NIM1K: variants seen among roughly 807,000 people sequenced by gnomAD.
The protein encoded by NIM1K is NIM1 serine/threonine protein kinase, also known as serine/threonine-protein kinase NIM1.
Under a neutral mutation model 37.1 loss-of-function variants are expected in NIM1K, and 35 were observed. The ratio of observed to expected loss-of-function variants is 0.94; its 90% CI spans 0.72 to 1.25. The LOEUF is 1.25. Ranked by LOEUF, NIM1K falls within the 50% of genes most tolerant of loss-of-function variation. The pLI is 0.00. For missense variants in NIM1K, 564 were observed against 548.0 expected, an observed-to-expected ratio of 1.03 and a Z score of -0.29; for synonymous variants, 234 against 206.6, an observed-to-expected ratio of 1.13 and a Z score of -1.14.
At chr5:43,230,201 A>G (rs1022693473) in intron 1 of NIM1K, among the ~76,000 whole-genome samples, 1 of 151,868 alleles carries the variant, frequency 6.6e-6, no homozygotes, top group South Asian at 2.1e-4. Context: ...CATAATATAC[A>G]AGGTAGCAAT....
rs370282181 is a variant in NIM1K at position 43,201,122 on chromosome 5, C to T, written c.-695+8711C>T. Among the ~76,000 whole-genome samples the T allele has an allele frequency of 7.6e-5, 10 of 132,054 alleles. No individual in the cohort carries two copies. In the East Asian group the frequency reaches 2.3e-3, roughly 30 times the overall value. The allele number at this position is 132,054 out of a possible 152,430, so 86.6% of individuals were successfully genotyped here. A position where few individuals can be genotyped will look rare whatever the true frequency, so the allele number is the denominator to read the frequency against. ...CCTGGGCAACAGAGCCAGACAACAT[C>T]TCAAAAAAAAAAAAAAAAAATTCAT... On this transcript the variant is annotated intron_variant, in intron 1 of 3. Coordinates refer to ENST00000326035, the MANE Select transcript of NIM1K (RefSeq NM_153361.4).
intron 2 of NIM1K, among the ~76,000 whole-genome samples, chr5:43,275,606 A>C (rs953788097): frequency 6.6e-6 from 1 of 152,178 alleles, no homozygotes; most frequent in Non-Finnish European, 1.5e-5. Context: ...CGTGTACATG[A>C]CATTACATGC....
intron 2 of NIM1K, among the ~76,000 whole-genome samples, chr5:43,267,874 G>T (rs1561093175): frequency 6.6e-6 from 1 of 152,088 alleles, no homozygotes; most frequent in Non-Finnish European, 1.5e-5. Flanking sequence ...CAATCTTATG[G>T]CCTATGTTGG....
In NIM1K at chr5:43,268,965, C is replaced by CT. The variant is rs200654982; in HGVS notation, c.293-8084dup. On this transcript the variant is annotated intron_variant, in intron 2 of 3. Coordinates refer to ENST00000326035, the MANE Select transcript of NIM1K (RefSeq NM_153361.4). ...TTATAATGACCTTCTTTGTCTTTTT[C>CT]TTTTTTTTAACTGTTGTTGCTTTAA... is the stretch of plus-strand genomic sequence containing the variant. Among the ~76,000 whole-genome samples the CT allele has an allele frequency of 5.9e-3, 892 of 151,380 alleles. 6 individuals are homozygous for CT. Among genetic ancestry groups the CT allele is most frequent in the Non-Finnish European group, 9.3e-3 (630 of 67,804 alleles).
chr5:43,216,018 C>G (rs1752295125), intron 1 of NIM1K, among the ~76,000 whole-genome samples: 1 of 152,136 alleles, frequency 6.6e-6, no homozygotes, highest in African/African-American at 2.4e-5. Flanking sequence ...GGAGGCTTTT[C>G]TGTTTCCTAT....
rs1472666450 is a variant in NIM1K, at chr5:43,277,319, G to A, written c.555G>A (p.Lys185=). 1.2e-6 allele frequency: 2 copies of A among 1,613,734 alleles called. No homozygotes were observed. Among genetic ancestry groups the A allele is most frequent in the Middle Eastern group, 1.7e-4 (1 of 6,050 alleles). ...TCTCCCAGATTGTGTCTGCCGTGAA[G>A]CACATGGTGAGCAGGGGTGACGAGT... ...LIFSQIVSAV[K]HMHENQIIHR... is the part of the protein sequence containing the mutation. The change falls in exon 3 of 4, where the codon AAG becomes AAA. Residue 185 remains lysine, a synonymous_variant. Transcript: ENST00000326035.
chr5:43,208,600 T>C (rs1410268295), intron 1 of NIM1K, among the ~76,000 whole-genome samples: 1 of 149,176 alleles, frequency 6.7e-6, no homozygotes, highest in Non-Finnish European at 1.5e-5. Context: ...GGACTCTGTC[T>C]CAAAAAAAAG....
At chr5:43,211,129 G>A (rs779985997) in intron 1 of NIM1K, among the ~76,000 whole-genome samples, 1 of 152,116 alleles carries the variant, frequency 6.6e-6, no homozygotes, top group Non-Finnish European at 1.5e-5. Context: ...CCGAGATTGC[G>A]CCACTGTACT....
At chr5:43,229,203 G>A (rs1752502087) in intron 1 of NIM1K, among the ~76,000 whole-genome samples, 3 of 151,996 alleles carry the variant, frequency 2.0e-5, no homozygotes, top group Admixed American at 1.3e-4. Flanking sequence ...TGGGCAACAT[G>A]GCAAAACCCC....
chr5:43,215,983 AT>A (rs1288939398), intron 1 of NIM1K, among the ~76,000 whole-genome samples: 5 of 152,158 alleles, frequency 3.3e-5, no homozygotes, highest in African/African-American at 1.2e-4. Context: ...CAGGAAATAC[AT>A]CACTGGGGAT....
At chr5:43,201,960 C>T (rs919059833) in intron 1 of NIM1K, among the ~76,000 whole-genome samples, 6 of 144,250 alleles carry the variant, frequency 4.2e-5, no homozygotes, top group Non-Finnish European at 7.5e-5. Context: ...TCCCTCTGAG[C>T]GAGACTCCCT....
intron 2 of NIM1K, among the ~76,000 whole-genome samples, chr5:43,267,226 T>C (rs754406574): frequency 5.3e-5 from 8 of 152,210 alleles, no homozygotes; most frequent in African/African-American, 1.4e-4. Context: ...ATTTCTTCTA[T>C]GTTTTTTAGT....
chr5:43,213,217 C>CTTTT (rs1294118303), intron 1 of NIM1K, among the ~76,000 whole-genome samples: 1 of 45,266 alleles, frequency 2.2e-5, no homozygotes, highest in African/African-American at 7.5e-5. Context: ...TTCTTTCTTT[C>CTTTT]TTTCTTTCCT....
At chr5:43,266,356 A>G (rs958621238) in intron 2 of NIM1K, among the ~76,000 whole-genome samples, 1 of 152,202 alleles carries the variant, frequency 6.6e-6, no homozygotes, top group Non-Finnish European at 1.5e-5. Context: ...GCCACCTTGC[A>G]GTTCAATCTC....
chr5:43,200,425 C>T (rs977401016), intron 1 of NIM1K, among the ~76,000 whole-genome samples: 2 of 152,158 alleles, frequency 1.3e-5, no homozygotes, highest in Non-Finnish European at 2.9e-5. Context: ...CTCAGCCTCC[C>T]GAGTAGCTAG....
chr5:43,243,365 T>G (rs1752731735), intron 1 of NIM1K, among the ~76,000 whole-genome samples: 1 of 152,310 alleles, frequency 6.6e-6, no homozygotes, highest in African/African-American at 2.4e-5. Flanking sequence ...GGAGATCTAG[T>G]GCCACTTGAC....
At chr5:43,260,095 T>TA (rs1012958387) in intron 2 of NIM1K, among the ~76,000 whole-genome samples, 1 of 152,094 alleles carries the variant, frequency 6.6e-6, no homozygotes, top group Admixed American at 6.6e-5. Flanking sequence ...TTGTTAGTTT[T>TA]AAAAAAAGAG....
chr5:43,253,825 AT>A (rs1218331100), intron 2 of NIM1K, among the ~76,000 whole-genome samples: 3 of 150,946 alleles, frequency 2.0e-5, no homozygotes, highest in Admixed American at 6.6e-5. Context: ...ATGCTCGGCA[AT>A]TTTTTTTTGT....
chr5:43,213,149 TTTTCTTTCTTTCTTTTTTTC>T (rs59934382), intron 1 of NIM1K, among the ~76,000 whole-genome samples: 6,287 of 120,314 alleles, frequency 0.052, 314 homozygotes, highest in Admixed American at 0.066. Flanking sequence ...AAAATCTCCA[TTTTCTTTCTTTCTTTTTTTC>T]TTTCTTTCTT....
Sources: gnomAD v4.1 joint callset for allele counts (sites outside exome capture counted in the v4.1 genomes callset) on GRCh38, gnomAD v4.1.1 for gene constraint, MANE v1.5 for transcripts, NCBI Gene and HGNC (gene_info 2026-07-23, HGNC 2026-07-21) for gene names.